Variants in MRO observed in about 807,000 individuals in gnomAD.
The protein encoded by MRO is protein maestro.
A neutral mutation model predicts 31.0 loss-of-function variants in MRO; 28 were observed. That is an observed-to-expected ratio of 0.90 (90% confidence interval 0.67 to 1.24). The LOEUF (loss-of-function observed/expected upper bound fraction) is 1.24. MRO is among the 50% of genes most tolerant of loss of function. The pLI is 0.00. For missense variants in MRO, 332 were observed against 289.2 expected, an observed-to-expected ratio of 1.15 and a Z score of -1.07; for synonymous variants, 108 against 108.4, an observed-to-expected ratio of 1.00 and a Z score of 0.02.
At chr18:50,801,759 G>A (rs1258976953) in intron 5 of MRO, among the ~76,000 whole-genome samples, 1 of 152,186 alleles carries the variant, frequency 6.6e-6, no homozygotes, top group Non-Finnish European at 1.5e-5. Context: ...GAGAGGACTA[G>A]CCTGGGAAAT....
chr18:50,820,061 CG>C, upstream of MRO: 2 of 1,141,540 alleles, frequency 1.8e-6, no homozygotes, highest in Non-Finnish European at 2.6e-6. Context: ...TGCCAAGGCC[CG>C]TTCCCCATGC....
chr18:50,807,421 C>T (rs1314285370), intron 3 of MRO, among the ~76,000 whole-genome samples: 1 of 152,222 alleles, frequency 6.6e-6, no homozygotes, highest in South Asian at 2.1e-4. Flanking sequence ...TCTCAGTAGT[C>T]ATCTTACTCA....
upstream of MRO, among the ~76,000 whole-genome samples, chr18:50,821,730 A>G (rs78276731): frequency 0.028 from 4,238 of 152,338 alleles, 180 homozygotes; most frequent in African/African-American, 0.096. Context: ...GAGAAATAGT[A>G]TCTTCTCTAC....
chr18:50,818,585 A>G (rs1290461205), intron 2 of MRO, among the ~76,000 whole-genome samples: 4 of 152,196 alleles, frequency 2.6e-5, no homozygotes, highest in Admixed American at 6.5e-5. Context: ...GCAAACTTGA[A>G]TGATTCTGAC....
chr18:50,804,816 G>T (rs900473494), intron 5 of MRO, among the ~76,000 whole-genome samples: 14 of 151,896 alleles, frequency 9.2e-5, no homozygotes, highest in African/African-American at 2.9e-4. Context: ...TATTTGAGAG[G>T]GAGTCTTGCT....
upstream of MRO, among the ~76,000 whole-genome samples, chr18:50,821,671 C>A (rs1044834994): frequency 1.3e-5 from 2 of 152,184 alleles, no homozygotes; most frequent in African/African-American, 4.8e-5. Context: ...CTATTAATAA[C>A]CCCTTGTGTC....
rs1912897319 is a variant in MRO at position 50,797,638 on chromosome 18, T to G, written c.*1699A>C. 6.6e-6 allele frequency: 1 copy of G among 152,194 alleles called. No homozygotes were observed. Among genetic ancestry groups the G allele is most frequent in the East Asian group, 1.9e-4 (1 of 5,192 alleles). 9.4% of individuals were successfully genotyped at this position (152,194 alleles called of 1,614,324 possible). A position where few individuals can be genotyped will look rare whatever the true frequency, so the allele number is the denominator to read the frequency against. On this transcript the variant is annotated 3_prime_UTR_variant, in exon 8 of 8. Transcript: ENST00000398439. ...CACCCATCTCACCCTATCCCCACCT[T>G]TTTGAATGCCAGCCACATGCAGCCA... is the stretch of plus-strand genomic sequence containing the variant.
chr18:50,816,386 T>C (rs1182249779), intron 2 of MRO, among the ~76,000 whole-genome samples: 1 of 152,230 alleles, frequency 6.6e-6, no homozygotes, highest in Non-Finnish European at 1.5e-5. Context: ...CTGTAAATTG[T>C]GGTAGTGGTT....
rs1487756157 is a variant in MRO, at chr18:50,799,195, TTTGA to T, written c.*138_*141del. ...TACAATTCCATGTATTATTTTTGCC[TTTGA>T]TTGCTCTCCCAGCACCCTCTTTCCC... On this transcript the variant is annotated 3_prime_UTR_variant, in exon 8 of 8. Transcript: ENST00000398439. 10 of 695,900 alleles carry T rather than the reference TTTGA, an allele frequency of 1.4e-5. No individual in the cohort carries two copies. The highest frequency in any genetic ancestry group is 2.6e-5 in the Admixed American group (1 of 38,868). The allele number at this position is 695,900 out of a possible 1,614,324, so 43.1% of individuals were successfully genotyped here. A position where few individuals can be genotyped will look rare whatever the true frequency, so the allele number is the denominator to read the frequency against.
At chr18:50,823,601 G>C (rs1367767873), upstream of MRO, 1 of 152,190 alleles carries the variant, frequency 6.6e-6, no homozygotes, top group Non-Finnish European at 1.5e-5. Flanking sequence ...CCTTGACCCA[G>C]AAAACTCCAC....
At chr18:50,809,513 T>TAAA in intron 2 of MRO, 109 bp from the exon 3 acceptor site, 1 of 680,416 alleles carries the variant, frequency 1.5e-6, no homozygotes, top group Non-Finnish European at 2.4e-6. Flanking sequence ...GCAGCAATCC[T>TAAA]GAGGCCTGTC....
At chr18:50,824,056 G>A (rs188483803), upstream of MRO, 16 of 152,426 alleles carry the variant, frequency 1.0e-4, no homozygotes, top group East Asian at 2.9e-3. Flanking sequence ...AACCAGAAGA[G>A]ATATTTACAC....
In MRO at chr18:50,800,076, C is replaced by T; in HGVS notation, c.653G>A (p.Ser218Asn). The change falls in exon 7 of 8, where the codon AGT (serine) becomes AAT (asparagine). Residue 218 changes from serine (S) to asparagine (N), a missense_variant. Physicochemically the swap from Ser to Asn is conservative, Grantham distance 46. Coordinates refer to ENST00000398439, the MANE Select transcript of MRO (RefSeq NM_031939.6). ...LKLKEEYSFQ[S>N]EEDQRNTKLY... is the part of the protein sequence containing the mutation. ...CTTAGTGTTCCTTTGATCTTCTTCA[C>T]TCTGGAAGCTGTATTCCTCCTTTAG... The T allele has an allele frequency of 6.2e-7, 1 of 1,613,888 alleles. No individual in the cohort carries two copies. Among genetic ancestry groups the T allele is most frequent in the Non-Finnish European group, 8.5e-7 (1 of 1,179,856 alleles).
intron 5 of MRO, 68 bp downstream of exon 5, chr18:50,805,086 C>T (rs372455437): frequency 4.3e-5 from 60 of 1,384,024 alleles, no homozygotes; most frequent in Middle Eastern, 4.7e-4. Context: ...CCACCGCACC[C>T]GGCCCCACAG....
chr18:50,821,407 A>G (rs17663385), upstream of MRO, among the ~76,000 whole-genome samples: 1 of 152,204 alleles, frequency 6.6e-6, no homozygotes, highest in African/African-American at 2.4e-5. Flanking sequence ...AATTAGCTTT[A>G]ATCTTTTCAG....
At chr18:50,822,304 T>C (rs1409822769), upstream of MRO, among the ~76,000 whole-genome samples, 3 of 151,620 alleles carry the variant, frequency 2.0e-5, no homozygotes, top group Non-Finnish European at 2.9e-5. Flanking sequence ...ACATGTGTAT[T>C]ACAATGTGTA....
chr18:50,811,316 AC>A (rs1914451301), intron 2 of MRO, among the ~76,000 whole-genome samples: 1 of 151,982 alleles, frequency 6.6e-6, no homozygotes, highest in Non-Finnish European at 1.5e-5. Flanking sequence ...CTTTTTCATC[AC>A]CCCAAAAGAA....
chr18:50,813,106 T>C (rs1914604633), intron 2 of MRO, among the ~76,000 whole-genome samples: 1 of 152,252 alleles, frequency 6.6e-6, no homozygotes, highest in South Asian at 2.1e-4. Flanking sequence ...TCACTTGATC[T>C]GGAGGTGCAT....
rs375247824 is a variant in MRO at position 50,805,235 on chromosome 18, G to T, written c.348C>A (p.Val116=). The T allele has an allele frequency of 6.2e-7, 1 of 1,613,958 alleles. No individual in the cohort carries two copies. Among genetic ancestry groups the T allele is most frequent in the South Asian group, 1.1e-5 (1 of 91,076 alleles). ...CTTTCCCCTGGATCTTGCCCAGAAC[G>T]ACGGTCAGAGTCTTCATACTCTCAT... ...VIHESMKTLT[V]VLGKIQGKGL... is the part of the protein sequence containing the mutation. Residue 116 remains valine, a synonymous_variant, in exon 5 of 8, where the codon GTC becomes GTA. Transcript: ENST00000398439.
Sources: gnomAD v4.1 joint callset for allele counts (sites outside exome capture counted in the v4.1 genomes callset) on GRCh38, gnomAD v4.1.1 for gene constraint, MANE v1.5 for transcripts, NCBI Gene and HGNC (gene_info 2026-07-23, HGNC 2026-07-21) for gene names.